NCOR2: variants seen among roughly 807,000 people sequenced by gnomAD.
NCOR2 encodes the protein CTG repeat protein 26.
In NCOR2, 81 loss-of-function variants were observed where a neutral mutation model predicts 262.9. That is an observed-to-expected ratio of 0.31 (90% CI 0.26 to 0.37). The LOEUF (loss-of-function observed/expected upper bound fraction) is 0.37, where lower values mean the gene tolerates loss of function less well. NCOR2 is among the 10% of genes least tolerant of loss of function. The pLI, the probability that NCOR2 is intolerant of heterozygous loss-of-function variation, is 1.00. For synonymous variants in NCOR2, 1,659 were observed against 1,559.3 expected (o/e 1.06, Z -1.51); for missense variants, 3,385 against 3,621.4 (o/e 0.93, Z 1.68).
chr12:124,406,157 C>A (rs1484537378), intron 13 of NCOR2, among the ~76,000 whole-genome samples: 2 of 152,210 alleles, frequency 1.3e-5, no homozygotes, highest in Non-Finnish European at 1.5e-5. Context: ...CTCTGTCAAC[C>A]CCCTTCTCAA....
At chr12:124,522,372 A>G (rs2050235920) in intron 1 of NCOR2, among the ~76,000 whole-genome samples, 1 of 152,186 alleles carries the variant, frequency 6.6e-6, no homozygotes, top group Non-Finnish European at 1.5e-5. Context: ...GAGGCCAGAA[A>G]TCCAAGCTCA....
Position 124,503,774 on chromosome 12 carries a change from G to A in NCOR2, c.-117-8406C>T, listed in dbSNP as rs1408618902. ...TGGATGCATGGATGGATGGATGGAT[G>A]GATGGGCGGATGGATGCACACACTC... On this transcript the variant is annotated intron_variant, in intron 1 of 46. Transcript: ENST00000404621. The surrounding 1 kb of genome is among the most constrained non-coding windows in gnomAD (Gnocchi z 4.3). Among the ~76,000 whole-genome samples the A allele has an allele frequency of 1.3e-5, 2 of 152,086 alleles. No homozygotes were observed. Among genetic ancestry groups the A allele is most frequent in the African/African-American group, 2.4e-5 (1 of 41,420 alleles).
chr12:124,452,088 C>T (rs912043582), intron 6 of NCOR2, among the ~76,000 whole-genome samples: 13 of 152,236 alleles, frequency 8.5e-5, no homozygotes, highest in African/African-American at 3.1e-4. Context: ...GTTCTCAGCC[C>T]TGAACAGAGG....
At chr12:124,452,928 CT>C (rs1333834047) in intron 6 of NCOR2, among the ~76,000 whole-genome samples, 7 of 152,122 alleles carry the variant, frequency 4.6e-5, no homozygotes, top group African/African-American at 1.7e-4. Context: ...AACTGCCCCC[CT>C]GGGAGGCACT....
chr12:124,505,659 A>C (rs545995460), intron 1 of NCOR2, among the ~76,000 whole-genome samples: 1 of 152,254 alleles, frequency 6.6e-6, no homozygotes, highest in South Asian at 2.1e-4. Context: ...TCACTTGGAA[A>C]GATTCACTGG....
chr12:124,543,186 G>C (rs2137230369), intron 1 of NCOR2, among the ~76,000 whole-genome samples: 1 of 152,304 alleles, frequency 6.6e-6, no homozygotes, highest in Admixed American at 6.5e-5. Context: ...TAGGGAGGTG[G>C]GGATGGGCCG....
At chr12:124,426,664 A>G in exon 11 of NCOR2, 1 of 1,607,512 alleles carries the variant, frequency 6.2e-7, no homozygotes, top group Non-Finnish European at 8.5e-7. Context: ...CCACATGTTC[A>G]TGACCTGGCG....
chr12:124,403,763 C>T (rs1320350366), intron 13 of NCOR2, among the ~76,000 whole-genome samples: 2 of 152,162 alleles, frequency 1.3e-5, no homozygotes, highest in Non-Finnish European at 2.9e-5. Context: ...GCCTGACCCG[C>T]ACACAACGCT....
At chr12:124,464,009 T>C (rs1593660189) in intron 5 of NCOR2, among the ~76,000 whole-genome samples, 1 of 152,214 alleles carries the variant, frequency 6.6e-6, no homozygotes, top group Non-Finnish European at 1.5e-5. Context: ...TGGGCAGGAA[T>C]AAAATCCCTG....
intron 1 of NCOR2, among the ~76,000 whole-genome samples, chr12:124,553,573 C>A (rs1408238435): frequency 6.6e-6 from 1 of 152,234 alleles, no homozygotes; most frequent in Non-Finnish European, 1.5e-5. Flanking sequence ...TACGTGAATA[C>A]ACGTCCCCAG....
intron 1 of NCOR2, among the ~76,000 whole-genome samples, chr12:124,557,731 C>T (rs1331628802): frequency 6.6e-6 from 1 of 150,872 alleles, no homozygotes; most frequent in African/African-American, 2.4e-5. Flanking sequence ...CGTGGGTGGG[C>T]GGGATGGCAG....
intron 5 of NCOR2, among the ~76,000 whole-genome samples, chr12:124,463,809 C>A (rs894590315): frequency 2.6e-5 from 4 of 152,220 alleles, no homozygotes; most frequent in Non-Finnish European, 2.9e-5. Context: ...GAGACTCAGC[C>A]CGGGCGGAGG....
intron 42 of NCOR2, 58 bp downstream of exon 44, chr12:124,333,072 A>C: frequency 1.3e-6 from 2 of 1,528,408 alleles, no homozygotes; most frequent in Non-Finnish European, 1.8e-6. Flanking sequence ...ACTGGGGCCA[A>C]GGATGGGCAA....
chr12:124,504,095 C>T lies in NCOR2; in HGVS notation c.-117-8727G>A, dbSNP rs1307896828. Reference sequence around the variant, plus strand: ...GTCTCAACTCTCCCGAGTCCCCCACCTGGCACCACTTCTCCCTTTTCAGCA... The same window carrying T: ...GTCTCAACTCTCCCGAGTCCCCCACTTGGCACCACTTCTCCCTTTTCAGCA... On this transcript the variant is annotated intron_variant, in intron 1 of 46. Transcript: ENST00000404621. The surrounding 1 kb of genome is among the most constrained non-coding windows in gnomAD (Gnocchi z 4.5). Among the ~76,000 whole-genome samples, 1 of 152,246 alleles carries T rather than the reference C, an allele frequency of 6.6e-6. No homozygotes were observed. The highest frequency in any genetic ancestry group is 1.5e-5 in the Non-Finnish European group (1 of 68,048).
At chr12:124,369,380 G>C (rs935472261) in intron 20 of NCOR2, among the ~76,000 whole-genome samples, 1 of 152,048 alleles carries the variant, frequency 6.6e-6, no homozygotes, top group Non-Finnish European at 1.5e-5. Context: ...GTCATCTTGC[G>C]TCCATCCAGG....
intron 43 of NCOR2, chr12:124,331,538 C>G (rs1421892451): frequency 6.5e-6 from 1 of 154,078 alleles, no homozygotes; most frequent in Non-Finnish European, 1.4e-5. Flanking sequence ...CTCACTGCAG[C>G]CTTGACCTCC....
chr12:124,537,627 G>C (rs2051154648), upstream of NCOR2, among the ~76,000 whole-genome samples: 1 of 151,600 alleles, frequency 6.6e-6, no homozygotes, highest in Non-Finnish European at 1.5e-5. Flanking sequence ...GTGCCAGTGT[G>C]TGCCACTCCA....
At position 124,432,423 on chromosome 12, in the gene NCOR2, G is replaced by A. The variant is rs923364570; in HGVS notation, c.883-1636C>T. ...CAAATGGAAGCCACCCACCATGTGT[G>A]GCTCAACTGAAATCACAAATCCAGT... On this transcript the variant is annotated intron_variant, in intron 8 of 46. Transcript: ENST00000405201. This position sits in a 1 kb window ranked among gnomAD's most constrained non-coding sequence, Gnocchi z 5.1. 6.6e-6 allele frequency among the ~76,000 whole-genome samples: 1 copy of A among 152,162 alleles called. No individual in the cohort carries two copies. Among genetic ancestry groups the A allele is most frequent in the Non-Finnish European group, 1.5e-5 (1 of 68,036 alleles).
chr12:124,457,222 A>C lies in NCOR2; in HGVS notation c.706-60T>G. 6.7e-7 allele frequency: 1 copy of C among 1,492,436 alleles called. No homozygotes were observed. Among genetic ancestry groups the C allele is most frequent in the Non-Finnish European group, 8.9e-7 (1 of 1,122,068 alleles). 92.4% of individuals were successfully genotyped at this position (1,492,436 alleles called of 1,614,324 possible). A position where few individuals can be genotyped will look rare whatever the true frequency, so the allele number is the denominator to read the frequency against. On this transcript the variant is annotated intron_variant, in intron 5 of 46. Transcript: ENST00000405201. This position sits in a 1 kb window ranked among gnomAD's most constrained non-coding sequence, Gnocchi z 4.0. ...AAAAAACAAAAAAACACAGATTATA[A>C]ATAGAGGCTTCCCGGAGCAGCGGGC...
Sources: allele counts gnomAD v4.1 joint callset (sites outside exome capture counted in the v4.1 genomes callset), GRCh38; gene constraint gnomAD v4.1.1; non-coding constraint Gnocchi (gnomAD v3.1); transcripts MANE v1.5; gene names NCBI Gene and HGNC (gene_info 2026-07-23, HGNC 2026-07-21).